Variants in PDCD1LG2 observed in about 807,000 individuals in gnomAD.
PDCD1LG2 encodes the protein programmed cell death 1 ligand 2.
In PDCD1LG2, 32 loss-of-function variants were observed where a neutral mutation model predicts 28.2. That is an observed-to-expected ratio of 1.13 (90% CI 0.86 to 1.52). The LOEUF (loss-of-function observed/expected upper bound fraction) is 1.52. Among genes scored for constraint, PDCD1LG2 ranks in the 40% most tolerant of loss-of-function variants. The pLI is 0.00. For synonymous variants in PDCD1LG2, 116 were observed against 120.2 expected, an observed-to-expected ratio of 0.97 and a Z score of 0.23; for missense variants, 385 against 323.8, an observed-to-expected ratio of 1.19 and a Z score of -1.45.
intron 3 of PDCD1LG2, among the ~76,000 whole-genome samples, chr9:5,538,696 A>G (rs1440183602): frequency 6.9e-6 from 1 of 144,436 alleles, no homozygotes; most frequent in Non-Finnish European, 1.5e-5. Context: ...TCAAAAAAAG[A>G]AAAAAAAAAA....
rs559214892 is a variant in PDCD1LG2, at chr9:5,525,465, C to T, written c.55+2864C>T. Reference sequence around the variant, plus strand: ...AGGAGTAGGTCTAGAAGAACTTCAACTGGAGAATGGATAGAGAAATCATGG... The same window carrying T: ...AGGAGTAGGTCTAGAAGAACTTCAATTGGAGAATGGATAGAGAAATCATGG... On this transcript the variant is annotated intron_variant, in intron 2 of 6. Coordinates refer to ENST00000397747, the MANE Select transcript of PDCD1LG2 (RefSeq NM_025239.4). 5.3e-5 allele frequency among the ~76,000 whole-genome samples: 8 copies of T among 151,118 alleles called. No individual in the cohort carries two copies. The South Asian group carries it at 1.7e-3, about 31-fold the overall frequency.
intron 3 of PDCD1LG2, among the ~76,000 whole-genome samples, chr9:5,539,820 G>C (rs1400575182): frequency 1.3e-5 from 2 of 152,190 alleles, no homozygotes; most frequent in African/African-American, 2.4e-5. Flanking sequence ...CCAACACCAG[G>C]AATGGGCTGA....
chr9:5,516,890 G>A (rs918403597), intron 1 of PDCD1LG2, among the ~76,000 whole-genome samples: 3 of 152,194 alleles, frequency 2.0e-5, no homozygotes, highest in Non-Finnish European at 4.4e-5. Flanking sequence ...CTGGGCCCCT[G>A]AGAGTACAGA....
chr9:5,521,795 A>G (rs184056942), intron 1 of PDCD1LG2, among the ~76,000 whole-genome samples: 3 of 152,330 alleles, frequency 2.0e-5, no homozygotes, highest in Admixed American at 6.5e-5. Context: ...AAAGTTGGAA[A>G]GCCTCCTCAG....
intron 1 of PDCD1LG2, among the ~76,000 whole-genome samples, chr9:5,518,642 C>G (rs1016441305): frequency 6.6e-6 from 1 of 152,206 alleles, no homozygotes; most frequent in African/African-American, 2.4e-5. Context: ...GCTGTAAGAT[C>G]TCCCTTTCTA....
intron 5 of PDCD1LG2, 94 bp from the exon 6 acceptor site, chr9:5,563,067 AT>A (rs1816597613): frequency 9.5e-7 from 1 of 1,053,104 alleles, no homozygotes; most frequent in Non-Finnish European, 1.4e-6. Context: ...ATGTGGATTT[AT>A]TTAGATTTAC....
rs951247178 is a variant in PDCD1LG2 at position 5,539,040 on chromosome 9, T to G, written c.361+3990T>G. ...TACTGTTGTTAAATATTTATATGTA[T>G]TTTTCAAGGATAATGTTGTATATAA... On this transcript the variant is annotated intron_variant, in intron 3 of 6. Coordinates refer to ENST00000397747, the MANE Select transcript of PDCD1LG2 (RefSeq NM_025239.4). Among the ~76,000 whole-genome samples the G allele has an allele frequency of 3.3e-5, 5 of 152,208 alleles. No individual in the cohort carries two copies. The East Asian group carries it at 9.6e-4, about 29-fold the overall frequency.
chr9:5,571,092 T>C lies in PDCD1LG2; in HGVS notation c.*1133T>C. On this transcript the variant is annotated 3_prime_UTR_variant, in exon 7 of 7. Coordinates refer to ENST00000397747, the MANE Select transcript of PDCD1LG2 (RefSeq NM_025239.4). ...CATTAGCTAGTATAACAGACTTACA[T>C]AGGTGGGCCTAAAGCAAGCTCCTTA... 4.3e-6 allele frequency: 1 copy of C among 232,526 alleles called. No individual in the cohort carries two copies. The highest frequency in any genetic ancestry group is 6.1e-5 in the East Asian group (1 of 16,472). 14.4% of individuals were successfully genotyped at this position (232,526 alleles called of 1,614,324 possible). A position where few individuals can be genotyped will look rare whatever the true frequency, so the allele number is the denominator to read the frequency against.
chr9:5,530,100 GTAATGCAAA>G (rs963473153), intron 2 of PDCD1LG2, among the ~76,000 whole-genome samples: 1 of 152,068 alleles, frequency 6.6e-6, no homozygotes, highest in African/African-American at 2.4e-5. Context: ...ATCTTGGGAG[GTAATGCAAA>G]TAATTCGTTG....
At chr9:5,522,741 C>CA (rs372870447) in intron 2 of PDCD1LG2, 140 bp downstream of exon 2, 80,003 of 475,166 alleles carry the variant, frequency 0.17, 1,492 homozygotes, top group African/African-American at 0.23. Flanking sequence ...CCAAGCACCA[C>CA]AAAAAAAAAA....
At chr9:5,546,972 G>C (rs372120593) in intron 3 of PDCD1LG2, among the ~76,000 whole-genome samples, 4 of 152,134 alleles carry the variant, frequency 2.6e-5, no homozygotes, top group African/African-American at 9.7e-5. Context: ...CCCAGATCTA[G>C]TGGGTGTTGT....
chr9:5,531,836 T>G (rs954095799), intron 2 of PDCD1LG2, among the ~76,000 whole-genome samples: 1 of 152,224 alleles, frequency 6.6e-6, no homozygotes, highest in African/African-American at 2.4e-5. Flanking sequence ...TCAAATGTAA[T>G]TAAACAAGAG....
chr9:5,553,147 G>A (rs1427884985), intron 4 of PDCD1LG2, among the ~76,000 whole-genome samples: 1 of 152,106 alleles, frequency 6.6e-6, no homozygotes. Context: ...GAGGGGAGAG[G>A]AGGTAGGGAG....
At chr9:5,558,923 C>T (rs1287806851) in intron 5 of PDCD1LG2, among the ~76,000 whole-genome samples, 2 of 152,108 alleles carry the variant, frequency 1.3e-5, no homozygotes, top group Non-Finnish European at 2.9e-5. Context: ...GAGGTATGTC[C>T]AACAGAACTT....
chr9:5,527,346 G>T (rs981970115), intron 2 of PDCD1LG2, among the ~76,000 whole-genome samples: 1 of 152,166 alleles, frequency 6.6e-6, no homozygotes, highest in Non-Finnish European at 1.5e-5. Context: ...GGCACTTACT[G>T]ATCTATTTTC....
rs1353637575 is a variant in PDCD1LG2 at position 5,570,549 on chromosome 9, C to T, written c.*590C>T. The T allele has an allele frequency of 4.3e-6, 1 of 232,686 alleles. No individual in the cohort carries two copies. The highest frequency in any genetic ancestry group is 8.5e-6 in the Non-Finnish European group (1 of 117,818). 14.4% of individuals were successfully genotyped at this position (232,686 alleles called of 1,614,324 possible). A position where few individuals can be genotyped will look rare whatever the true frequency, so the allele number is the denominator to read the frequency against. On this transcript the variant is annotated 3_prime_UTR_variant, in exon 7 of 7. Transcript: ENST00000397747. ...AGAGCATTTAAATATACACTAAGTG[C>T]ACAAATTGTGGAGTAAAGTCATCAA...
At chr9:5,535,133 C>G (rs1484378873) in intron 3 of PDCD1LG2, 83 bp downstream of exon 3, 4 of 1,293,116 alleles carry the variant, frequency 3.1e-6, no homozygotes, top group Non-Finnish European at 4.2e-6. Context: ...TTAAAGGTAG[C>G]TCAAGCAAAA....
At chr9:5,539,705 C>A (rs930624630) in intron 3 of PDCD1LG2, among the ~76,000 whole-genome samples, 3 of 152,106 alleles carry the variant, frequency 2.0e-5, no homozygotes, top group Admixed American at 2.0e-4. Flanking sequence ...GAGAACTGGT[C>A]TGTGCAAAGG....
intron 2 of PDCD1LG2, among the ~76,000 whole-genome samples, chr9:5,525,861 G>T (rs144554147): frequency 6.6e-6 from 1 of 151,718 alleles, no homozygotes; most frequent in Non-Finnish European, 1.5e-5. Flanking sequence ...AGCCTGGCCC[G>T]CATGGTGAAA....
Sources: allele counts gnomAD v4.1 joint callset (sites outside exome capture counted in the v4.1 genomes callset), GRCh38; gene constraint gnomAD v4.1.1; transcripts MANE v1.5; gene names NCBI Gene and HGNC (gene_info 2026-07-23, HGNC 2026-07-21).